CEP43: variants seen among roughly 807,000 people sequenced by gnomAD.
CEP43 encodes the protein centrosomal protein 43.
CEP43 carries 36 observed loss-of-function variants against 52.6 expected under a neutral mutation model. That is an observed-to-expected ratio of 0.68 (90% CI 0.52 to 0.90). The LOEUF is 0.90. CEP43 is among the 40% of genes least tolerant of loss of function. CEP43 has a pLI of 0.00. For synonymous variants in CEP43, 192 were observed against 172.4 expected (o/e 1.11, Z -0.89); for missense variants, 506 against 472.8 (o/e 1.07, Z -0.65).
chr6:167,041,901 G>A lies in CEP43; in HGVS notation c.*1923G>A, dbSNP rs996490643. On this transcript the variant is annotated 3_prime_UTR_variant, in exon 13 of 13. Transcript: ENST00000366847. Reference sequence around the variant, plus strand: ...TACAGTGATGCGATCTCGGCTCACTGCAACCTCCGCCTCCTGGGTTCAAGC... The same window carrying A: ...TACAGTGATGCGATCTCGGCTCACTACAACCTCCGCCTCCTGGGTTCAAGC... 1 of 696,594 alleles carries A rather than the reference G, an allele frequency of 1.4e-6. No homozygotes were observed. Among genetic ancestry groups the A allele is most frequent in the Non-Finnish European group, 1.8e-6 (1 of 559,532 alleles). 43.2% of individuals were successfully genotyped at this position (696,594 alleles called of 1,614,324 possible).
intron 11 of CEP43, among the ~76,000 whole-genome samples, chr6:167,033,099 CTTTTTTTTTTTTTTTTT>C (rs71032896): frequency 6.3e-4 from 43 of 68,302 alleles, no homozygotes; most frequent in African/African-American, 2.2e-3. Flanking sequence ...TTGCCATTCT[CTTTTTTTTTTTTTTTTT>C]TTTTTTTTTT....
intron 7 of CEP43, 67 bp downstream of exon 7, chr6:167,013,634 T>C (rs1780031774): frequency 1.6e-6 from 2 of 1,274,632 alleles, no homozygotes; most frequent in Non-Finnish European, 2.3e-6. Context: ...TGGGGCCTCC[T>C]GGAGCGCTGG....
At position 167,043,919 on chromosome 6, in the gene CEP43, C is replaced by T. The variant is rs1349967912; in HGVS notation, c.*3941C>T. 6.6e-6 allele frequency: 1 copy of T among 152,164 alleles called. No homozygotes were observed. The highest frequency in any genetic ancestry group is 1.5e-5 in the Non-Finnish European group (1 of 68,022). 9.4% of individuals were successfully genotyped at this position (152,164 alleles called of 1,614,324 possible). On this transcript the variant is annotated 3_prime_UTR_variant, in exon 13 of 13. Coordinates refer to ENST00000366847, the MANE Select transcript of CEP43 (RefSeq NM_007045.4). ...CCTGTGAAGGACTGAATGTGTCCCC[C>T]AAAATGTGTATGTCGAAACCTAATC...
In CEP43 at chr6:167,024,812, T is replaced by C; in HGVS notation, c.837T>C (p.Ser279=). The C allele has an allele frequency of 6.2e-7, 1 of 1,613,604 alleles. No homozygotes were observed. Among genetic ancestry groups the C allele is most frequent in the Non-Finnish European group, 8.5e-7 (1 of 1,179,700 alleles). The stretch of plus-strand genomic sequence containing the variant: ...AGGAACCTAGGAAGCAAGCAGGAAG[T>C]CTGGCCTCGCTCTCGGATGCACCCC... The part of the protein sequence containing the change: ...LRKEPRKQAG[S]LASLSDAPPL... Residue 279 remains serine (S), a synonymous_variant, in exon 9 of 13, where the codon AGT becomes AGC. Coordinates refer to ENST00000366847, the MANE Select transcript of CEP43 (RefSeq NM_007045.4).
rs1014078397 is a variant in CEP43 at position 167,052,087 on chromosome 6, C to T, written c.*12109C>T. ...TAAATTATTTTTAACTATATTTTTACGTATTTCCTTAATGAATGCTTGATG... is the reference window on the plus strand; with the variant it reads ...TAAATTATTTTTAACTATATTTTTATGTATTTCCTTAATGAATGCTTGATG... On this transcript the variant is annotated 3_prime_UTR_variant, in exon 13 of 13. Coordinates refer to ENST00000366847, the MANE Select transcript of CEP43 (RefSeq NM_007045.4). 6.6e-6 allele frequency: 1 copy of T among 151,910 alleles called. No individual in the cohort carries two copies. Among genetic ancestry groups the T allele is most frequent in the Non-Finnish European group, 1.5e-5 (1 of 67,986 alleles). 9.4% of individuals were successfully genotyped at this position (151,910 alleles called of 1,614,324 possible). A position where few individuals can be genotyped will look rare whatever the true frequency, so the allele number is the denominator to read the frequency against.
intron 10 of CEP43, among the ~76,000 whole-genome samples, chr6:167,030,858 A>G (rs1780453480): frequency 8.3e-6 from 1 of 120,414 alleles, no homozygotes; most frequent in South Asian, 2.5e-4. Flanking sequence ...CCCCCACCCC[A>G]CCCCATCCCT....
In CEP43 at chr6:167,041,734, C is replaced by T. The variant is rs533537063; in HGVS notation, c.*1756C>T. The T allele has an allele frequency of 8.6e-5, 88 of 1,023,052 alleles. No individual in the cohort carries two copies. The highest frequency in any genetic ancestry group is 4.6e-4 in the Middle Eastern group (1 of 2,170). The allele number at this position is 1,023,052 out of a possible 1,614,324, so 63.4% of individuals were successfully genotyped here. ...ACTGAAATTTGTCACTTTTCTGTTA[C>T]GCAGAGAATCAGACCTTTTGATAAT... is the stretch of plus-strand genomic sequence containing the variant. On this transcript the variant is annotated 3_prime_UTR_variant, in exon 13 of 13. Coordinates refer to ENST00000366847, the MANE Select transcript of CEP43 (RefSeq NM_007045.4).
chr6:167,039,030 T>C (rs1780638114), intron 12 of CEP43, among the ~76,000 whole-genome samples: 1 of 152,218 alleles, frequency 6.6e-6, no homozygotes, highest in Admixed American at 6.5e-5. Context: ...AGCTCCTGCT[T>C]ATTAATGGGA....
intron 7 of CEP43, among the ~76,000 whole-genome samples, chr6:167,016,378 G>A (rs569329418): frequency 3.9e-5 from 6 of 152,226 alleles, no homozygotes; most frequent in Non-Finnish European, 5.9e-5. Flanking sequence ...TCAGCCTCTT[G>A]GGTAGCTAGG....
chr6:167,020,617 A>C (rs1427585668), intron 7 of CEP43, among the ~76,000 whole-genome samples: 1 of 152,168 alleles, frequency 6.6e-6, no homozygotes, highest in African/African-American at 2.4e-5. Flanking sequence ...TTAAGATTAC[A>C]CGGGCCATGT....
chr6:167,041,520 A>G lies in CEP43; in HGVS notation c.*1542A>G, dbSNP rs117657209. ...AGTCCCCCAGTGTGGTTGTTATAAA[A>G]TGCATTTCTTTGTAAGTCATCTCTG... On this transcript the variant is annotated 3_prime_UTR_variant, in exon 13 of 13. Transcript: ENST00000366847. 3,062 of 1,054,028 alleles carry G rather than the reference A, an allele frequency of 2.9e-3. 5 individuals are homozygous for G. The highest frequency in any genetic ancestry group is 3.3e-3 in the Non-Finnish European group (2,865 of 872,138). 65.3% of individuals were successfully genotyped at this position (1,054,028 alleles called of 1,614,324 possible). A position where few individuals can be genotyped will look rare whatever the true frequency, so the allele number is the denominator to read the frequency against.
Position 167,049,251 on chromosome 6 carries a change from G to A in CEP43, c.*9273G>A, listed in dbSNP as rs936706894. 8 of 152,054 alleles carry A rather than the reference G, an allele frequency of 5.3e-5. No homozygotes were observed. The highest frequency in any genetic ancestry group is 3.9e-4 in the Admixed American group (6 of 15,272). 9.4% of individuals were successfully genotyped at this position (152,054 alleles called of 1,614,324 possible). A position where few individuals can be genotyped will look rare whatever the true frequency, so the allele number is the denominator to read the frequency against. ...TTTATATACTTTTGTATTCACTTTC[G>A]AAAAGAAGGCAACTCTAAATTTTAT... is the stretch of plus-strand genomic sequence containing the variant. On this transcript the variant is annotated 3_prime_UTR_variant, in exon 13 of 13. Coordinates refer to ENST00000366847, the MANE Select transcript of CEP43 (RefSeq NM_007045.4).
chr6:167,024,552 A>G (rs1780311376), intron 8 of CEP43, among the ~76,000 whole-genome samples: 1 of 152,198 alleles, frequency 6.6e-6, no homozygotes. Flanking sequence ...ACAGAATTCT[A>G]AAGAGAGGTG....
intron 2 of CEP43, among the ~76,000 whole-genome samples, chr6:167,001,811 C>G (rs1376573782): frequency 6.6e-6 from 1 of 152,242 alleles, no homozygotes. Flanking sequence ...TGCCTTATCC[C>G]CTTCCTACTT....
At chr6:167,022,891 C>T (rs762759861) in intron 8 of CEP43, among the ~76,000 whole-genome samples, 1 of 152,040 alleles carries the variant, frequency 6.6e-6, no homozygotes, top group African/African-American at 2.4e-5. Context: ...TGGGGTGCAG[C>T]AATGATAGAA....
Position 167,040,671 on chromosome 6 carries a change from T to G in CEP43, c.*693T>G, listed in dbSNP as rs1451297104. 1 of 1,021,532 alleles carries G rather than the reference T, an allele frequency of 9.8e-7. No individual in the cohort carries two copies. Among genetic ancestry groups the G allele is most frequent in the Non-Finnish European group, 1.2e-6 (1 of 848,914 alleles). 63.3% of individuals were successfully genotyped at this position (1,021,532 alleles called of 1,614,324 possible). ...ACATAACATTTGCAATCGTCATTCC[T>G]CCTGTTATCCATGTAAGCAGCTTTA... On this transcript the variant is annotated 3_prime_UTR_variant, in exon 13 of 13. Coordinates refer to ENST00000366847, the MANE Select transcript of CEP43 (RefSeq NM_007045.4).
At chr6:167,002,672 C>T (rs1184138037) in intron 2 of CEP43, among the ~76,000 whole-genome samples, 1 of 152,216 alleles carries the variant, frequency 6.6e-6, no homozygotes, top group Non-Finnish European at 1.5e-5. Context: ...AGCCTCTTCT[C>T]AGCAACAATC....
Position 167,032,655 on chromosome 6 carries a change from A to G in CEP43, c.1028+13A>G, listed in dbSNP as rs926138233. On this transcript the variant is annotated intron_variant, in intron 11 of 12. Coordinates refer to ENST00000366847, the MANE Select transcript of CEP43 (RefSeq NM_007045.4). ...ATGATTTTAATAGGTAAGAAAAACT[A>G]TTGGGCAAATATATAAATATATACG... 3.8e-6 allele frequency: 6 copies of G among 1,563,030 alleles called. No homozygotes were observed. The highest frequency in any genetic ancestry group is 1.7e-4 in the Middle Eastern group (1 of 5,902).
In CEP43 at chr6:167,041,686, T is replaced by C. The variant is rs1169172688; in HGVS notation, c.*1708T>C. On this transcript the variant is annotated 3_prime_UTR_variant, in exon 13 of 13. Transcript: ENST00000366847. ...ATAGCAGGATGTGGCTTTTTAAATTTATGAAACTTTCGAACAGTAGCAACT... is the reference window on the plus strand; with the variant it reads ...ATAGCAGGATGTGGCTTTTTAAATTCATGAAACTTTCGAACAGTAGCAACT... 1 of 1,042,550 alleles carries C rather than the reference T, an allele frequency of 9.6e-7. No individual in the cohort carries two copies. The highest frequency in any genetic ancestry group is 1.2e-6 in the Non-Finnish European group (1 of 865,058). The allele number at this position is 1,042,550 out of a possible 1,614,324, so 64.6% of individuals were successfully genotyped here. A position where few individuals can be genotyped will look rare whatever the true frequency, so the allele number is the denominator to read the frequency against.
Sources: gnomAD v4.1 joint callset for allele counts (sites outside exome capture counted in the v4.1 genomes callset) on GRCh38, gnomAD v4.1.1 for gene constraint, MANE v1.5 for transcripts, NCBI Gene and HGNC (gene_info 2026-07-23, HGNC 2026-07-21) for gene names.